CLDN1: variants seen among roughly 807,000 people sequenced by gnomAD.
CLDN1 encodes claudin-1.
Under a neutral mutation model 22.6 loss-of-function variants are expected in CLDN1, and 12 were observed. The observed-to-expected ratio is 0.53, with a 90% CI of 0.34 to 0.86. The LOEUF (loss-of-function observed/expected upper bound fraction) is 0.86, where lower values mean the gene tolerates loss of function less well. Among genes scored for constraint, CLDN1 ranks in the 40% least tolerant of loss-of-function variants. The probability of loss-of-function intolerance (pLI) is 0.02; values close to 1 mark genes in which losing one functional copy is unlikely to be tolerated. For synonymous variants in CLDN1, 99 were observed against 103.8 expected, an observed-to-expected ratio of 0.95 and a Z score of 0.28; for missense variants, 250 against 269.5, an observed-to-expected ratio of 0.93 and a Z score of 0.51.
chr3:190,319,768 A>G (rs1237792509), intron 1 of CLDN1, among the ~76,000 whole-genome samples: 1 of 152,178 alleles, frequency 6.6e-6, no homozygotes, highest in African/African-American at 2.4e-5. Flanking sequence ...TCATCTCTAC[A>G]TGTAACAAAA....
intron 2 of CLDN1, among the ~76,000 whole-genome samples, chr3:190,311,383 G>C (rs757903596): frequency 6.6e-6 from 1 of 152,086 alleles, no homozygotes; most frequent in Non-Finnish European, 1.5e-5. Context: ...TTTTCAGAGA[G>C]GAGTCAATTT....
chr3:190,314,882 C>A (rs955322738), intron 1 of CLDN1, among the ~76,000 whole-genome samples: 2 of 152,152 alleles, frequency 1.3e-5, no homozygotes, highest in East Asian at 3.9e-4. Flanking sequence ...GACCCACACA[C>A]TTATCTCAAG....
chr3:190,317,572 A>G (rs1400770095), intron 1 of CLDN1, among the ~76,000 whole-genome samples: 1 of 152,246 alleles, frequency 6.6e-6, no homozygotes, highest in Non-Finnish European at 1.5e-5. Flanking sequence ...AGTAGAATCT[A>G]CTATCAATAC....
In CLDN1 at chr3:190,307,733, A is replaced by G. The variant is rs1234837794; in HGVS notation, c.*544T>C. The G allele has an allele frequency of 6.5e-6, 1 of 152,986 alleles. No individual in the cohort carries two copies. Among genetic ancestry groups the G allele is most frequent in the Non-Finnish European group, 1.5e-5 (1 of 68,664 alleles). 9.5% of individuals were successfully genotyped at this position (152,986 alleles called of 1,614,324 possible). A position where few individuals can be genotyped will look rare whatever the true frequency, so the allele number is the denominator to read the frequency against. On this transcript the variant is annotated 3_prime_UTR_variant, in exon 4 of 4. Coordinates refer to ENST00000295522, the MANE Select transcript of CLDN1 (RefSeq NM_021101.5). Reference sequence around the variant, plus strand: ...AGGGCACGCATGAAGAATTGAAAGAATTCATCCTTGGTAAATTAGGCTAGG... The same window carrying G: ...AGGGCACGCATGAAGAATTGAAAGAGTTCATCCTTGGTAAATTAGGCTAGG...
chr3:190,317,617 C>T (rs1427314458), intron 1 of CLDN1, among the ~76,000 whole-genome samples: 2 of 152,074 alleles, frequency 1.3e-5, no homozygotes, highest in Non-Finnish European at 2.9e-5. Context: ...AGCCATATTA[C>T]CTTAGGTTCT....
At chr3:190,318,125 G>T (rs748385022) in intron 1 of CLDN1, among the ~76,000 whole-genome samples, 1 of 152,062 alleles carries the variant, frequency 6.6e-6, no homozygotes, top group South Asian at 2.1e-4. Flanking sequence ...CCCTCTTATT[G>T]GTGCATGAGG....
intron 1 of CLDN1, among the ~76,000 whole-genome samples, chr3:190,319,248 TCTA>T (rs1716854287): frequency 6.6e-6 from 1 of 152,114 alleles, no homozygotes; most frequent in East Asian, 1.9e-4. Flanking sequence ...TCAAGAAAAG[TCTA>T]CTACAACTGT....
intron 1 of CLDN1, among the ~76,000 whole-genome samples, chr3:190,316,633 G>A (rs980611537): frequency 2.0e-5 from 3 of 152,166 alleles, no homozygotes; most frequent in African/African-American, 4.8e-5. Context: ...GATTTGTAAA[G>A]TATGTAATCA....
intron 1 of CLDN1, 83 bp downstream of exon 1, chr3:190,321,901 T>G: frequency 1.0e-6 from 1 of 993,100 alleles, no homozygotes. Context: ...AACCATGGAA[T>G]CACACAACAG....
At chr3:190,313,623 A>G (rs1716684720) in intron 1 of CLDN1, among the ~76,000 whole-genome samples, 1 of 152,190 alleles carries the variant, frequency 6.6e-6, no homozygotes, top group Non-Finnish European at 1.5e-5. Flanking sequence ...AAGAATATAG[A>G]AGTCATTTTC....
At position 190,310,257 on chromosome 3, in the gene CLDN1, T is replaced by C. The variant is rs1716576234; in HGVS notation, c.389-4A>G. The C allele has an allele frequency of 1.9e-6, 3 of 1,612,006 alleles. No individual in the cohort carries two copies. The highest frequency in any genetic ancestry group is 2.2e-5 in the East Asian group (1 of 44,842). ...GTGGCAACTAAAATAGCCAGACCTA[T>C]AGAAATTCAAAACAAAAGACTGTTA... is the stretch of plus-strand genomic sequence containing the variant. On this transcript the variant is annotated splice_region_variant and splice_polypyrimidine_tract_variant and intron_variant, in intron 2 of 3. Coordinates refer to ENST00000295522, the MANE Select transcript of CLDN1 (RefSeq NM_021101.5).
At chr3:190,316,022 T>G (rs1417487986) in intron 1 of CLDN1, among the ~76,000 whole-genome samples, 1 of 152,218 alleles carries the variant, frequency 6.6e-6, no homozygotes, top group Non-Finnish European at 1.5e-5. Context: ...TTGATTCGTG[T>G]CAAATCTATC....
At chr3:190,310,066 C>A (rs1308159461) in intron 3 of CLDN1, 103 bp downstream of exon 3, 1 of 945,088 alleles carries the variant, frequency 1.1e-6, no homozygotes, top group East Asian at 2.5e-5. Flanking sequence ...ACATAAAATT[C>A]TTGAAAGCAA....
rs1186123349 is a variant in CLDN1, at chr3:190,322,164, A to G, written c.43T>C (p.Phe15Leu). Residue 15 changes from phenylalanine to leucine, a missense_variant, in exon 1 of 4, where the codon TTC becomes CTC. By Grantham distance (22) the Phe-to-Leu change is conservative (BLOSUM62 0). Transcript: ENST00000295522. ...GLQLLGFILA[F>L]LGWIGAIVST... ...ACGATGGCGCCGATCCATCCCAGGA[A>G]GGCGAGAATGAAGCCCAACAGCTGC... is the stretch of plus-strand genomic sequence containing the variant. The G allele has an allele frequency of 1.2e-6, 2 of 1,614,162 alleles. No homozygotes were observed. Among genetic ancestry groups the G allele is most frequent in the Non-Finnish European group, 1.7e-6 (2 of 1,180,040 alleles).
intron 1 of CLDN1, among the ~76,000 whole-genome samples, chr3:190,314,351 T>C: frequency 6.6e-6 from 1 of 152,168 alleles, no homozygotes; most frequent in East Asian, 1.9e-4. Context: ...TGATTTTCTG[T>C]CTTTGCTATA....
chr3:190,310,150 T>C lies in CLDN1; in HGVS notation c.473+19A>G, dbSNP rs1041857328. 6.2e-7 allele frequency: 1 copy of C among 1,601,040 alleles called. No homozygotes were observed. Among genetic ancestry groups the C allele is most frequent in the African/African-American group, 1.3e-5 (1 of 74,774 alleles). Reference sequence around the variant, plus strand: ...CATTTTCTCAGAAAACAAACTATTTTACGCCTGAATAGCGTTACCTGGCAT... The same window carrying C: ...CATTTTCTCAGAAAACAAACTATTTCACGCCTGAATAGCGTTACCTGGCAT... On this transcript the variant is annotated intron_variant, in intron 3 of 3. Transcript: ENST00000295522.
chr3:190,316,927 A>C (rs754844652), intron 1 of CLDN1, among the ~76,000 whole-genome samples: 1 of 152,228 alleles, frequency 6.6e-6, no homozygotes, highest in Non-Finnish European at 1.5e-5. Context: ...TGATAACTAG[A>C]AACTCATGCA....
rs755710137 is a variant in CLDN1 at position 190,308,454 on chromosome 3, C to T, written c.474-15G>A. Reference sequence around the variant, plus strand: ...CAAATTCGTACCTAAAAGGAAAAACCCATGTGCTTGTTAATCAGTGAATTA... The same window carrying T: ...CAAATTCGTACCTAAAAGGAAAAACTCATGTGCTTGTTAATCAGTGAATTA... On this transcript the variant is annotated splice_polypyrimidine_tract_variant and intron_variant, in intron 3 of 3. Coordinates refer to ENST00000295522, the MANE Select transcript of CLDN1 (RefSeq NM_021101.5). The T allele has an allele frequency of 6.8e-6, 11 of 1,612,648 alleles. No homozygotes were observed. The highest frequency in any genetic ancestry group is 2.2e-5 in the South Asian group (2 of 91,026).
intron 1 of CLDN1, among the ~76,000 whole-genome samples, chr3:190,321,063 A>G (rs1216989411): frequency 6.6e-6 from 1 of 152,310 alleles, no homozygotes; most frequent in Non-Finnish European, 1.5e-5. Context: ...GGGTCACTGA[A>G]CATCCATTAC....
Sources: allele counts gnomAD v4.1 joint callset (sites outside exome capture counted in the v4.1 genomes callset), GRCh38; gene constraint gnomAD v4.1.1; transcripts MANE v1.5; gene names NCBI Gene and HGNC (gene_info 2026-07-23, HGNC 2026-07-21).